Variants in BNC2 observed in about 807,000 individuals in gnomAD.
BNC2 encodes the protein zinc finger protein basonuclin-2.
A neutral mutation model predicts 76.3 loss-of-function variants in BNC2; 20 were observed. That is an observed-to-expected ratio of 0.26 (90% confidence interval 0.18 to 0.38). The LOEUF (loss-of-function observed/expected upper bound fraction) is 0.38, where lower values mean the gene tolerates loss of function less well. Ranked by LOEUF, BNC2 falls within the 10% of genes least tolerant of loss-of-function variation. The pLI, the probability that BNC2 is intolerant of heterozygous loss-of-function variation, is 1.00. For missense variants in BNC2, 1,382 were observed against 1,399.8 expected, an observed-to-expected ratio of 0.99 and a Z score of 0.20; for synonymous variants, 582 against 514.8, an observed-to-expected ratio of 1.13 and a Z score of -1.77.
chr9:16,628,492 T>C (rs1821063513), intron 3 of BNC2, among the ~76,000 whole-genome samples: 1 of 152,148 alleles, frequency 6.6e-6, no homozygotes, highest in South Asian at 2.1e-4. Context: ...ATGCATCTTT[T>C]GGGGTTTGCC....
chr9:16,676,765 T>G (rs1389068874), intron 3 of BNC2, among the ~76,000 whole-genome samples: 2 of 152,076 alleles, frequency 1.3e-5, no homozygotes, highest in Non-Finnish European at 2.9e-5. Context: ...GGCATCCAGT[T>G]CACACCACAC....
At chr9:16,498,276 C>CATAT (rs202156398) in intron 5 of BNC2, among the ~76,000 whole-genome samples, 11 of 108,794 alleles carry the variant, frequency 1.0e-4, no homozygotes, top group South Asian at 3.1e-4. Flanking sequence ...TATATTCCAT[C>CATAT]ATATATATAT....
At chr9:16,613,482 T>C (rs183615492) in intron 3 of BNC2, among the ~76,000 whole-genome samples, 3 of 152,248 alleles carry the variant, frequency 2.0e-5, no homozygotes, top group Non-Finnish European at 2.9e-5. Flanking sequence ...GGTTATGGAG[T>C]ATTCCCCATT....
At chr9:16,422,376 A>C (rs1328570265) in intron 6 of BNC2, among the ~76,000 whole-genome samples, 1 of 152,206 alleles carries the variant, frequency 6.6e-6, no homozygotes, top group Admixed American at 6.5e-5. Flanking sequence ...CTTTAAAAAA[A>C]ACAGCTACTT....
intron 1 of BNC2, among the ~76,000 whole-genome samples, chr9:16,820,634 T>C (rs1317638210): frequency 1.3e-5 from 2 of 152,164 alleles, no homozygotes; most frequent in East Asian, 3.9e-4. Flanking sequence ...GCATGTCATA[T>C]TTTATTCCAT....
chr9:16,482,913 C>CA (rs1822090461), intron 5 of BNC2, among the ~76,000 whole-genome samples: 1 of 152,200 alleles, frequency 6.6e-6, no homozygotes, highest in African/African-American at 2.4e-5. Flanking sequence ...TCAGTCTACT[C>CA]ATGTGTGACT....
intron 3 of BNC2, among the ~76,000 whole-genome samples, chr9:16,612,229 G>T (rs1213788488): frequency 1.3e-5 from 2 of 152,074 alleles, no homozygotes; most frequent in Non-Finnish European, 2.9e-5. Context: ...AGCCTGACTA[G>T]CCCCTTTCAT....
chr9:16,687,028 T>G (rs1822999081), intron 3 of BNC2, among the ~76,000 whole-genome samples: 1 of 151,964 alleles, frequency 6.6e-6, no homozygotes, highest in Non-Finnish European at 1.5e-5. Context: ...TAACCCTCAT[T>G]TTCCTCTCAA....
chr9:16,666,034 ATATT>A (rs1822279529), intron 3 of BNC2, among the ~76,000 whole-genome samples: 1 of 152,182 alleles, frequency 6.6e-6, no homozygotes, highest in South Asian at 2.1e-4. Flanking sequence ...TTCAATGCAG[ATATT>A]TATTTGTTAA....
At chr9:16,658,216 G>C (rs1032316541) in intron 3 of BNC2, among the ~76,000 whole-genome samples, 2 of 152,014 alleles carry the variant, frequency 1.3e-5, no homozygotes, top group African/African-American at 4.8e-5. Context: ...AAACTATTTA[G>C]ACATTTACAA....
At chr9:16,461,262 G>C (rs1587054995) in intron 5 of BNC2, among the ~76,000 whole-genome samples, 1 of 152,026 alleles carries the variant, frequency 6.6e-6, no homozygotes, top group African/African-American at 2.4e-5. Context: ...CTTTGTTGGG[G>C]CTGTGTGTGT....
chr9:16,838,372 T>C (rs1166495417), intron 1 of BNC2, among the ~76,000 whole-genome samples: 1 of 152,234 alleles, frequency 6.6e-6, no homozygotes, highest in South Asian at 2.1e-4. Flanking sequence ...CTGGCCAACA[T>C]GGAGAAACCC....
intron 4 of BNC2, among the ~76,000 whole-genome samples, chr9:16,571,928 G>A (rs1320684339): frequency 1.3e-5 from 2 of 151,738 alleles, no homozygotes; most frequent in Non-Finnish European, 2.9e-5. Context: ...TTTTTTAAGG[G>A]GCCTTGTGAT....
intron 3 of BNC2, among the ~76,000 whole-genome samples, chr9:16,629,517 C>T (rs576653688): frequency 1.6e-4 from 25 of 152,244 alleles, no homozygotes; most frequent in African/African-American, 5.5e-4. Context: ...CTAGAAATCA[C>T]ATTGAGGCTT....
At chr9:16,816,741 G>C (rs1274827569) in intron 1 of BNC2, among the ~76,000 whole-genome samples, 1 of 152,096 alleles carries the variant, frequency 6.6e-6, no homozygotes, top group East Asian at 1.9e-4. Flanking sequence ...TTTTCCTTAA[G>C]AGGCCCTACT....
At chr9:16,465,967 G>C (rs1358337752) in intron 5 of BNC2, among the ~76,000 whole-genome samples, 4 of 138,228 alleles carry the variant, frequency 2.9e-5, no homozygotes, top group African/African-American at 1.1e-4. Context: ...AAGCTGATAA[G>C]CAACTTCAGC....
chr9:16,634,541 A>C (rs1821260128), intron 3 of BNC2, among the ~76,000 whole-genome samples: 1 of 141,874 alleles, frequency 7.0e-6, no homozygotes, highest in African/African-American at 2.7e-5. Flanking sequence ...TCATTCTGTC[A>C]CCCAGGCTGG....
At chr9:16,823,948 A>G (rs1001043154) in intron 1 of BNC2, among the ~76,000 whole-genome samples, 3 of 152,224 alleles carry the variant, frequency 2.0e-5, no homozygotes, top group African/African-American at 7.2e-5. Flanking sequence ...ATGCCTACAG[A>G]CAATTATAAT....
intron 1 of BNC2, among the ~76,000 whole-genome samples, chr9:16,864,523 C>T (rs2153271): frequency 0.43 from 64,756 of 152,054 alleles, 16,346 homozygotes; most frequent in Non-Finnish European, 0.58. Context: ...CAACCCTCAA[C>T]TCTGTCTATC....
Sources: allele counts gnomAD v4.1 joint callset (sites outside exome capture counted in the v4.1 genomes callset), GRCh38; gene constraint gnomAD v4.1.1; transcripts MANE v1.5; gene names NCBI Gene and HGNC (gene_info 2026-07-23, HGNC 2026-07-21).